Variants in INTS15 observed in about 807,000 individuals in gnomAD.
INTS15 encodes uncharacterized protein C7orf26.
chr7:6,607,411 G>C, the INTS15 span: 2 of 564,492 alleles, frequency 3.5e-6, no homozygotes, highest in African/African-American at 3.9e-5. The surrounding 1 kb of genome is among the most constrained non-coding windows in gnomAD (Gnocchi z 6.0). Context: ...CCAAGAGTGG[G>C]GGCATCTGAA....
At chr7:6,604,034 C>G in the INTS15 span, among the ~76,000 whole-genome samples, 70 of 152,214 alleles carry the variant, frequency 4.6e-4, no homozygotes, top group Middle Eastern at 3.4e-3. Context: ...ACAGAATGCA[C>G]TTAAACTAGT....
At chr7:6,606,131 C>T in the INTS15 span, among the ~76,000 whole-genome samples, 3 of 152,222 alleles carry the variant, frequency 2.0e-5, no homozygotes, top group Non-Finnish European at 4.4e-5. Context: ...TTGGCCTCTG[C>T]AGTACTCTGC....
chr7:6,608,027 T>C, the INTS15 span: 1 of 1,600,270 alleles, frequency 6.2e-7, no homozygotes, highest in Non-Finnish European at 8.5e-7. Context: ...CCCGGGGTTC[T>C]ACCCCCACAT....
the INTS15 span, among the ~76,000 whole-genome samples, chr7:6,592,059 T>C: frequency 5.1e-3 from 782 of 152,142 alleles, 10 homozygotes; most frequent in African/African-American, 0.018. Context: ...TAACCCCAGC[T>C]ACTCAGGAGG....
At chr7:6,593,591 C>T in the INTS15 span, among the ~76,000 whole-genome samples, 1 of 151,466 alleles carries the variant, frequency 6.6e-6, no homozygotes, top group Non-Finnish European at 1.5e-5. Flanking sequence ...GCCTCGGCCT[C>T]CCAAAATGCT....
chr7:6,607,538 ACT>A, the INTS15 span: 1 of 1,316,584 alleles, frequency 7.6e-7, no homozygotes, highest in South Asian at 1.2e-5. The surrounding 1 kb of genome is among the most constrained non-coding windows in gnomAD (Gnocchi z 6.0). Context: ...GAATTTCAGG[ACT>A]CTGAATTTCG....
At chr7:6,607,227 T>C in the INTS15 span, among the ~76,000 whole-genome samples, 306 of 151,938 alleles carry the variant, frequency 2.0e-3, 1 homozygote, top group African/African-American at 7.1e-3. The surrounding 1 kb of genome is among the most constrained non-coding windows in gnomAD (Gnocchi z 6.0). Context: ...CACGTTGAAT[T>C]TGCTGGGAGG....
the INTS15 span, chr7:6,590,057 G>A: frequency 3.7e-6 from 1 of 269,610 alleles, no homozygotes. Flanking sequence ...GGCAGCTCCC[G>A]GCGGCTCCTG....
chr7:6,608,346 G>C, the INTS15 span: 1 of 1,425,960 alleles, frequency 7.0e-7, no homozygotes, highest in African/African-American at 1.4e-5. Flanking sequence ...CATGCAGATT[G>C]GATGGTGGAG....
the INTS15 span, chr7:6,600,210 A>C: frequency 1.2e-6 from 2 of 1,614,192 alleles, no homozygotes; most frequent in East Asian, 4.5e-5. Flanking sequence ...CTCTTCGACC[A>C]CATGGTCCCG....
chr7:6,607,728 C>G, the INTS15 span: 47 of 1,508,826 alleles, frequency 3.1e-5, no homozygotes, highest in Non-Finnish European at 3.2e-5. This position sits in a 1 kb window ranked among gnomAD's most constrained non-coding sequence, Gnocchi z 6.0. Flanking sequence ...GTGCTACGGC[C>G]GGAGCTCCGT....
the INTS15 span, among the ~76,000 whole-genome samples, chr7:6,603,996 CTT>C: frequency 6.6e-6 from 1 of 150,628 alleles, no homozygotes; most frequent in African/African-American, 2.5e-5. Flanking sequence ...GACCCTGTCT[CTT>C]AAAAAAAAAA....
chr7:6,590,809 T>G, the INTS15 span, among the ~76,000 whole-genome samples: 1 of 151,968 alleles, frequency 6.6e-6, no homozygotes, highest in African/African-American at 2.4e-5. Context: ...ATGGCTTTCT[T>G]CTTACATCTT....
chr7:6,608,148 G>T, the INTS15 span: 2 of 1,527,610 alleles, frequency 1.3e-6, no homozygotes, highest in Non-Finnish European at 1.8e-6. Flanking sequence ...TTTCCCTTCA[G>T]GCCCATCCGC....
the INTS15 span, chr7:6,607,500 C>G: frequency 8.5e-6 from 11 of 1,300,714 alleles, no homozygotes; most frequent in Non-Finnish European, 1.1e-5. This position sits in a 1 kb window ranked among gnomAD's most constrained non-coding sequence, Gnocchi z 6.0. Flanking sequence ...CTGGGCCGTC[C>G]CCGAGGGGGC....
At chr7:6,598,192 G>A in the INTS15 span, among the ~76,000 whole-genome samples, 3 of 152,156 alleles carry the variant, frequency 2.0e-5, no homozygotes, top group South Asian at 2.1e-4. Flanking sequence ...ACACGTGGCC[G>A]GGACGGGTGG....
At chr7:6,595,798 C>T in the INTS15 span, among the ~76,000 whole-genome samples, 1 of 152,160 alleles carries the variant, frequency 6.6e-6, no homozygotes, top group Non-Finnish European at 1.5e-5. Context: ...TACTCCCACC[C>T]CAGCCTTCCA....
chr7:6,601,600 G>T, the INTS15 span, among the ~76,000 whole-genome samples: 1 of 148,210 alleles, frequency 6.7e-6, no homozygotes, highest in Non-Finnish European at 1.5e-5. Context: ...CCAGCCAGGG[G>T]ACGGGTTTTT....
chr7:6,595,383 T>C, the INTS15 span, among the ~76,000 whole-genome samples: 3 of 152,048 alleles, frequency 2.0e-5, no homozygotes, highest in African/African-American at 7.2e-5. Context: ...AGTGTGGTTT[T>C]GAACTCCTGG....
Sources: gnomAD v4.1 joint callset for allele counts (sites outside exome capture counted in the v4.1 genomes callset) on GRCh38, gnomAD v4.1.1 for gene constraint, Gnocchi (gnomAD v3.1) non-coding constraint, MANE v1.5 for transcripts, NCBI Gene and HGNC (gene_info 2026-07-23, HGNC 2026-07-21) for gene names.